CIP2A: variants seen among roughly 807,000 people sequenced by gnomAD.
CIP2A encodes cellular inhibitor of PP2A, also known as protein CIP2A.
Under a neutral mutation model 110.9 loss-of-function variants are expected in CIP2A, and 103 were observed. The observed-to-expected ratio is 0.93, with a 90% confidence interval of 0.79 to 1.09. The LOEUF (loss-of-function observed/expected upper bound fraction) is 1.09, where lower values mean the gene tolerates loss of function less well. Ranked by LOEUF, CIP2A falls within the 50% of genes least tolerant of loss-of-function variation. The pLI, the probability that CIP2A is intolerant of heterozygous loss-of-function variation, is 0.00. For missense variants in CIP2A, 1,088 were observed against 1,038.4 expected, an observed-to-expected ratio of 1.05 and a Z score of -0.66; for synonymous variants, 381 against 361.6, an observed-to-expected ratio of 1.05 and a Z score of -0.61.
In CIP2A at chr3:108,569,181, T is replaced by TATATATATATATATATATAC; in HGVS notation, c.1113+207_1113+208insGTATATATATATATATATAT. Among the ~76,000 whole-genome samples, 21 of 58,256 alleles carry TATATATATATATATATATAC rather than the reference T, an allele frequency of 3.6e-4. 4 individuals carry two copies. Among genetic ancestry groups the TATATATATATATATATATAC allele is most frequent in the African/African-American group, 4.6e-4 (10 of 21,738 alleles). 38.2% of individuals were successfully genotyped at this position (58,256 alleles called of 152,430 possible). A position where few individuals can be genotyped will look rare whatever the true frequency, so the allele number is the denominator to read the frequency against. ...CTGAAATGAGCACTATATATATATA[T>TATATATATATATATATATAC]ACATACACACTACTCAGTGAAAAAA... is the stretch of plus-strand genomic sequence containing the variant. On this transcript the variant is annotated intron_variant, in intron 9 of 20. Transcript: ENST00000295746.
Position 108,553,894 on chromosome 3 carries a change from T to TACAAAAAAAAAA in CIP2A, c.2325-165_2325-164insTTTTTTTTTTGT, listed in dbSNP as rs1303036231. On this transcript the variant is annotated intron_variant, in intron 18 of 20. Transcript: ENST00000295746. ...GGTGAAACCCCGTCTCTACTAAAAA[T>TACAAAAAAAAAA]ATAAAAAAAAAAAAAAAAAAAAAAA... 4.7e-3 allele frequency among the ~76,000 whole-genome samples: 235 copies of TACAAAAAAAAAA among 49,546 alleles called. 85 individuals are homozygous for TACAAAAAAAAAA. Among genetic ancestry groups the TACAAAAAAAAAA allele is most frequent in the Middle Eastern group, 0.036 (2 of 56 alleles). 32.5% of individuals were successfully genotyped at this position (49,546 alleles called of 152,430 possible). A position where few individuals can be genotyped will look rare whatever the true frequency, so the allele number is the denominator to read the frequency against.
At chr3:108,581,882 C>T (rs1314802449) in intron 4 of CIP2A, among the ~76,000 whole-genome samples, 2 of 152,040 alleles carry the variant, frequency 1.3e-5, no homozygotes, top group African/African-American at 2.4e-5. Context: ...ATTAAAGTTG[C>T]TTTACAATTT....
chr3:108,560,585 G>A (rs767953156), intron 14 of CIP2A, 64 bp downstream of exon 14: 7 of 931,006 alleles, frequency 7.5e-6, no homozygotes, highest in East Asian at 2.6e-5. Flanking sequence ...TTAGATACAC[G>A]TTATAATTGG....
chr3:108,583,474 G>C (rs190567222), intron 2 of CIP2A, among the ~76,000 whole-genome samples: 119 of 152,330 alleles, frequency 7.8e-4, no homozygotes, highest in Non-Finnish European at 1.1e-3. Flanking sequence ...ATTAGGTTAA[G>C]TGAAATAAGC....
intron 8 of CIP2A, among the ~76,000 whole-genome samples, chr3:108,571,185 T>C (rs1938392839): frequency 6.6e-6 from 1 of 152,182 alleles, no homozygotes; most frequent in South Asian, 2.1e-4. Context: ...AAGACCTGCC[T>C]GGCTGTTTTA....
Position 108,551,123 on chromosome 3 carries a change from T to C in CIP2A, c.*26A>G. 8.8e-7 allele frequency: 1 copy of C among 1,139,508 alleles called. No individual in the cohort carries two copies. Among genetic ancestry groups the C allele is most frequent in the East Asian group, 4.3e-5 (1 of 23,414 alleles). 70.6% of individuals were successfully genotyped at this position (1,139,508 alleles called of 1,614,324 possible). ...TAAATACATCAAAAATATCATGAGA[T>C]TACAAATTCCAAAATGCCATAATGT... On this transcript the variant is annotated 3_prime_UTR_variant, in exon 21 of 21. Coordinates refer to ENST00000295746, the MANE Select transcript of CIP2A (RefSeq NM_020890.3).
chr3:108,580,900 CAGGT>C (rs1938851892), intron 5 of CIP2A, among the ~76,000 whole-genome samples: 1 of 152,180 alleles, frequency 6.6e-6, no homozygotes, highest in Admixed American at 6.5e-5. Context: ...GCTGGGATTA[CAGGT>C]GTGAGCCACC....
chr3:108,575,466 G>C (rs1034878382), intron 8 of CIP2A, among the ~76,000 whole-genome samples: 6 of 146,310 alleles, frequency 4.1e-5, no homozygotes, highest in African/African-American at 1.5e-4. Flanking sequence ...GTATACATGT[G>C]AGTATATATA....
rs1303605617 is a variant in CIP2A, at chr3:108,575,654, GTA to G, written c.894+615_894+616del. On this transcript the variant is annotated intron_variant, in intron 8 of 20. Coordinates refer to ENST00000295746, the MANE Select transcript of CIP2A (RefSeq NM_020890.3). ...CGTGTATATATACTCATATACATGT[GTA>G]TATATACGTGTATATATACTCATAT... 2.7e-5 allele frequency among the ~76,000 whole-genome samples: 3 copies of G among 112,654 alleles called. 1 individual carries two copies. The highest frequency in any genetic ancestry group is 7.3e-5 in the African/African-American group (2 of 27,558). The allele number at this position is 112,654 out of a possible 152,430, so 73.9% of individuals were successfully genotyped here. A position where few individuals can be genotyped will look rare whatever the true frequency, so the allele number is the denominator to read the frequency against.
At chr3:108,581,391 A>G (rs771658454) in intron 5 of CIP2A, 24 bp downstream of exon 5, 23 of 1,509,910 alleles carry the variant, frequency 1.5e-5, no homozygotes, top group African/African-American at 2.8e-5. Flanking sequence ...AACAAGAAAC[A>G]TTAAAAAGAA....
Position 108,568,269 on chromosome 3 carries a change from T to C in CIP2A, c.1159A>G (p.Thr387Ala). ...TCAAGGATTGTAGGCAGCAGAAGGG[T>C]CACAAAACGATCAGCCGAGGAACAG... ...ANCSSADRFV[T>A]LLLPTILDQL... is the part of the protein sequence containing the mutation. The change falls in exon 10 of 21, where the codon ACC becomes GCC. Residue 387 changes from threonine (T) to alanine (A), a missense_variant. Physicochemically the swap from Thr to Ala is moderately conservative, Grantham distance 58. Transcript: ENST00000295746. The C allele has an allele frequency of 6.2e-7, 1 of 1,612,240 alleles. No individual in the cohort carries two copies. Among genetic ancestry groups the C allele is most frequent in the Non-Finnish European group, 8.5e-7 (1 of 1,178,786 alleles).
At chr3:108,565,516 C>A (rs1019106721) in intron 11 of CIP2A, 62 bp from the exon 12 acceptor site, 1 of 837,208 alleles carries the variant, frequency 1.2e-6, no homozygotes. Flanking sequence ...TTGTTTCTGT[C>A]CAAAATTCTA....
At chr3:108,563,315 T>G in intron 12 of CIP2A, 71 bp from the exon 13 acceptor site, 1 of 847,452 alleles carries the variant, frequency 1.2e-6, no homozygotes, top group Non-Finnish European at 2.0e-6. Flanking sequence ...AGATAGGAGG[T>G]GAGTAAATAT....
intron 8 of CIP2A, among the ~76,000 whole-genome samples, chr3:108,570,511 C>T (rs562723332): frequency 3.2e-4 from 48 of 152,122 alleles, no homozygotes; most frequent in Non-Finnish European, 6.5e-4. Context: ...GAGCCTACTA[C>T]GTCCCTTTAT....
intron 4 of CIP2A, 136 bp from the exon 5 acceptor site, chr3:108,581,647 T>A: frequency 1.7e-6 from 1 of 597,672 alleles, no homozygotes; most frequent in Non-Finnish European, 2.9e-6. Flanking sequence ...AAAAAACTAA[T>A]TAACATAAGA....
chr3:108,551,166 C>T lies in CIP2A; in HGVS notation c.2701G>A (p.Val901Met). ...LSGGKINPET[V>M]NLSI Reference sequence around the variant, plus strand: ...CATAATGTCTATATACTGAGATTCACAGTTTCTGGATTTATTTTTCCACCA... The same window carrying T: ...CATAATGTCTATATACTGAGATTCATAGTTTCTGGATTTATTTTTCCACCA... Residue 901 changes from valine (V) to methionine (M), a missense_variant, in exon 21 of 21, where the codon GTG becomes ATG. Physicochemically the swap from Val to Met is conservative, Grantham distance 21 (BLOSUM62 1). Transcript: ENST00000295746. The T allele has an allele frequency of 6.7e-7, 1 of 1,483,546 alleles. No individual in the cohort carries two copies. The highest frequency in any genetic ancestry group is 9.1e-7 in the Non-Finnish European group (1 of 1,097,788). The allele number at this position is 1,483,546 out of a possible 1,614,324, so 91.9% of individuals were successfully genotyped here. A position where few individuals can be genotyped will look rare whatever the true frequency, so the allele number is the denominator to read the frequency against.
Position 108,557,406 on chromosome 3 carries a change from T to G in CIP2A, c.2022A>C (p.Thr674=), listed in dbSNP as rs1559689607. The G allele has an allele frequency of 3.8e-6, 6 of 1,581,230 alleles. No individual in the cohort carries two copies. In the Admixed American group the frequency reaches 1.1e-4, roughly 29 times the overall value. ...CAACTTCTCTCAACATACTAGCAAG[T>G]GTCCGTGCCTCAAAAAAAAAAAGAA... ...QRTQAETEAR[T]LASMLREVER... The change falls in exon 17 of 21, where the codon ACA becomes ACC. Residue 674 remains threonine (T), a synonymous_variant. Transcript: ENST00000295746.
At chr3:108,575,470 A>G (rs150350048) in intron 8 of CIP2A, among the ~76,000 whole-genome samples, 81 of 149,934 alleles carry the variant, frequency 5.4e-4, no homozygotes, top group African/African-American at 1.8e-3. Flanking sequence ...ACATGTGAGT[A>G]TATATACACA....
Position 108,572,415 on chromosome 3 carries a change from T to C in CIP2A, c.895-2808A>G, listed in dbSNP as rs117849579. ...AAATTTCAGTTTTTCCCCATATGTA[T>C]ATTCAATTGACCCAGCGTCATTTAT... On this transcript the variant is annotated intron_variant, in intron 8 of 20. Coordinates refer to ENST00000295746, the MANE Select transcript of CIP2A (RefSeq NM_020890.3). Among the ~76,000 whole-genome samples the C allele has an allele frequency of 2.4e-3, 371 of 152,152 alleles. 7 individuals carry two copies. The highest frequency in any genetic ancestry group is 0.016 in the Admixed American group (249 of 15,250).
Sources: allele counts gnomAD v4.1 joint callset (sites outside exome capture counted in the v4.1 genomes callset), GRCh38; gene constraint gnomAD v4.1.1; transcripts MANE v1.5; gene names NCBI Gene and HGNC (gene_info 2026-07-23, HGNC 2026-07-21).